Variants in ZNF644 observed in about 807,000 individuals in gnomAD.
ZNF644 encodes zinc finger motif enhancer binding protein 2.
In ZNF644, 20 loss-of-function variants were observed where a neutral mutation model predicts 108.0. The ratio of observed to expected loss-of-function variants is 0.19; its 90% CI spans 0.13 to 0.27. The LOEUF is 0.27. ZNF644 is among the 10% of genes least tolerant of loss of function. ZNF644 has a pLI of 1.00. For synonymous variants in ZNF644, 542 were observed against 539.1 expected (o/e 1.01, Z -0.08); for missense variants, 1,338 against 1,548.9 (o/e 0.86, Z 2.29).
intron 1 of ZNF644, among the ~76,000 whole-genome samples, chr1:91,000,579 G>A (rs1432205328): frequency 1.3e-5 from 2 of 151,962 alleles, no homozygotes; most frequent in African/African-American, 4.8e-5. Flanking sequence ...GCCCACAAGA[G>A]GAAGCAGGAA....
intron 1 of ZNF644, among the ~76,000 whole-genome samples, chr1:90,991,036 T>C (rs1570522410): frequency 1.3e-5 from 2 of 152,334 alleles, no homozygotes; most frequent in East Asian, 3.9e-4. Context: ...ACTTTAAATA[T>C]GTGTACTTTA....
intron 2 of ZNF644, among the ~76,000 whole-genome samples, chr1:90,952,628 C>A (rs1257807860): frequency 6.6e-6 from 1 of 151,436 alleles, no homozygotes; most frequent in Admixed American, 6.6e-5. Context: ...AATTAGTGAA[C>A]TAGAAAAAGG....
intron 2 of ZNF644, among the ~76,000 whole-genome samples, chr1:90,951,836 G>A (rs1019096224): frequency 2.6e-5 from 4 of 152,212 alleles, no homozygotes; most frequent in Admixed American, 2.6e-4. Flanking sequence ...GGGTCAAGAA[G>A]AGAGCTGCCC....
At position 90,938,751 on chromosome 1, in the gene ZNF644, T is replaced by G. The variant is rs766555179; in HGVS notation, c.2603A>C (p.Asp868Ala). The G allele has an allele frequency of 1.2e-6, 2 of 1,613,746 alleles. No individual in the cohort carries two copies. The highest frequency in any genetic ancestry group is 1.7e-6 in the Non-Finnish European group (2 of 1,179,858). Residue 868 changes from aspartate to alanine, a missense_variant, in exon 3 of 6, where the codon GAC (aspartate) becomes GCC (alanine). Coordinates refer to ENST00000337393, the MANE Select transcript of ZNF644 (RefSeq NM_201269.3). This position sits in a 1 kb window ranked among gnomAD's most constrained non-coding sequence, Gnocchi z 4.2. ...ESSWDNVELG[D>A]YTTQAIEDET... ...ATCTTCTATGGCCTGTGTAGTGTAG[T>G]CTCCTAACTCAACATTATCCCAGGA...
intron 1 of ZNF644, among the ~76,000 whole-genome samples, chr1:91,000,125 T>C (rs1658613183): frequency 6.6e-6 from 1 of 152,112 alleles, no homozygotes; most frequent in Admixed American, 6.5e-5. Flanking sequence ...ATTAGACAGA[T>C]CAACAAGACA....
At chr1:91,018,355 T>C (rs1030890321) in intron 1 of ZNF644, among the ~76,000 whole-genome samples, 2 of 152,246 alleles carry the variant, frequency 1.3e-5, no homozygotes, top group African/African-American at 4.8e-5. Context: ...GTCAATGCTA[T>C]ACCTGACAAC....
At chr1:90,934,405 A>G (rs900501157) in intron 4 of ZNF644, among the ~76,000 whole-genome samples, 2 of 152,350 alleles carry the variant, frequency 1.3e-5, no homozygotes, top group South Asian at 4.1e-4. Context: ...TCTAAAAAAG[A>G]GCAAGAGAAA....
At chr1:90,959,205 T>C (rs1312214712) in intron 2 of ZNF644, among the ~76,000 whole-genome samples, 3 of 152,140 alleles carry the variant, frequency 2.0e-5, no homozygotes, top group Non-Finnish European at 4.4e-5. Context: ...ACTACAATAA[T>C]ACCACTTCAT....
intron 2 of ZNF644, among the ~76,000 whole-genome samples, chr1:90,977,922 T>C (rs1407915295): frequency 6.6e-6 from 1 of 152,224 alleles, no homozygotes; most frequent in Non-Finnish European, 1.5e-5. Context: ...GTAGAATACA[T>C]ACCAGCTATT....
At chr1:90,973,608 T>A (rs1655713976) in intron 2 of ZNF644, among the ~76,000 whole-genome samples, 1 of 152,180 alleles carries the variant, frequency 6.6e-6, no homozygotes, top group South Asian at 2.1e-4. Context: ...AGACAAAAAA[T>A]ATCTGTGTTA....
intron 2 of ZNF644, among the ~76,000 whole-genome samples, chr1:90,976,964 C>T (rs1656076043): frequency 1.3e-5 from 2 of 151,972 alleles, no homozygotes; most frequent in East Asian, 1.9e-4. Flanking sequence ...AAATCCATCA[C>T]AGAAACATTA....
rs151106706 is a variant in ZNF644, at chr1:90,927,451, C to T, written c.3689-9297G>A. 9.2e-5 allele frequency among the ~76,000 whole-genome samples: 14 copies of T among 152,116 alleles called. No individual in the cohort carries two copies. In the East Asian group the frequency reaches 2.5e-3, roughly 27 times the overall value. On this transcript the variant is annotated intron_variant, in intron 4 of 5. Transcript: ENST00000337393. ...GTATCTATAAGGGTTACCCAAAATA[C>T]TCGATTAAATTATATCCAAGCTACT...
chr1:91,007,256 GAC>G (rs1390344150), intron 1 of ZNF644, among the ~76,000 whole-genome samples: 2 of 70,546 alleles, frequency 2.8e-5, no homozygotes, highest in South Asian at 4.8e-4. Context: ...TTTTTTTTGA[GAC>G]AGTGTCTCGC....
intron 1 of ZNF644, among the ~76,000 whole-genome samples, chr1:91,010,774 C>T (rs1659894124): frequency 6.6e-6 from 1 of 152,008 alleles, no homozygotes. Context: ...GTATATGCAA[C>T]CCTACCCCTA....
rs535106794 is a variant in ZNF644, at chr1:91,002,971, C to T, written c.-18+19019G>A. Among the ~76,000 whole-genome samples the T allele has an allele frequency of 5.9e-5, 9 of 151,902 alleles. No homozygotes were observed. In the South Asian group the frequency reaches 1.0e-3, roughly 18 times the overall value. On this transcript the variant is annotated intron_variant, in intron 1 of 5. Coordinates refer to ENST00000337393, the MANE Select transcript of ZNF644 (RefSeq NM_201269.3). Reference sequence around the variant, plus strand: ...GCCATCAGAGAAATGCAAATCAAAACCACAATGAGATACCATCTCACACCA... The same window carrying T: ...GCCATCAGAGAAATGCAAATCAAAATCACAATGAGATACCATCTCACACCA...
rs1432538675 is a variant in ZNF644, at chr1:91,000,570, C to T, written c.-17-18200G>A. On this transcript the variant is annotated intron_variant, in intron 1 of 5. Coordinates refer to ENST00000337393, the MANE Select transcript of ZNF644 (RefSeq NM_201269.3). ...AGAGGGAAATTTATAGCACTAAATG[C>T]CCACAAGAGGAAGCAGGAAAGATCT... 2.6e-5 allele frequency among the ~76,000 whole-genome samples: 4 copies of T among 151,860 alleles called. No individual in the cohort carries two copies. In the East Asian group the frequency reaches 7.7e-4, roughly 29 times the overall value.
chr1:90,982,281 TACATTTA>T, intron 2 of ZNF644, 22 bp downstream of exon 2: 1 of 1,575,470 alleles, frequency 6.3e-7, no homozygotes, highest in Non-Finnish European at 8.7e-7. Flanking sequence ...CCTTGATATG[TACATTTA>T]ACAAAGCAGT....
chr1:90,996,625 A>G (rs554883952), intron 1 of ZNF644, among the ~76,000 whole-genome samples: 1 of 152,264 alleles, frequency 6.6e-6, no homozygotes, highest in African/African-American at 2.4e-5. Context: ...TCTCTAAATA[A>G]TGTTTAAAAA....
At chr1:90,981,457 C>T (rs1030847790) in intron 2 of ZNF644, among the ~76,000 whole-genome samples, 1 of 151,962 alleles carries the variant, frequency 6.6e-6, no homozygotes, top group Non-Finnish European at 1.5e-5. Context: ...TACTGAACTA[C>T]AGCACTTTTC....
Sources: allele counts gnomAD v4.1 joint callset (sites outside exome capture counted in the v4.1 genomes callset), GRCh38; gene constraint gnomAD v4.1.1; non-coding constraint Gnocchi (gnomAD v3.1); transcripts MANE v1.5; gene names NCBI Gene and HGNC (gene_info 2026-07-23, HGNC 2026-07-21).